Variants in KAZN observed in about 807,000 individuals in gnomAD.
The protein encoded by KAZN is kazrin, periplakin interacting protein.
KAZN carries 40 observed loss-of-function variants against 87.4 expected under a neutral mutation model. That is an observed-to-expected ratio of 0.46 (90% CI 0.36 to 0.60). The LOEUF is 0.60. KAZN is among the 20% of genes least tolerant of loss of function. The pLI is 0.00. For missense variants in KAZN, 898 were observed against 1,073.9 expected (o/e 0.84, Z 2.29); for synonymous variants, 466 against 458.3 (o/e 1.02, Z -0.22).
At chr1:13,943,318 A>G (rs1557736250) in intron 1 of KAZN, among the ~76,000 whole-genome samples, 1 of 152,194 alleles carries the variant, frequency 6.6e-6, no homozygotes, top group African/African-American at 2.4e-5. Flanking sequence ...AAAGAAGATA[A>G]TAGTGTCTGG....
rs1323571181 is a variant in KAZN at position 15,063,599 on chromosome 1, A to T, written c.1075A>T (p.Asn359Tyr). The change falls in exon 7 of 15, where the codon AAC becomes TAC. Residue 359 changes from asparagine to tyrosine, a missense_variant. Around this residue, in one of 3 missense-constraint regions of KAZN, gnomAD observed 521 missense variants for 689.4 expected, o/e 0.76. Coordinates refer to ENST00000376030, the MANE Select transcript of KAZN (RefSeq NM_201628.3). ...CGACAGTCCCGGCCCAGTTCAGAAG[A>T]ACCTGCACAACCCTATTGTACAGGT... Reference protein sequence around the residue: ...NGDSPGPVQKNLHNPIVQSLE... With the variant: ...NGDSPGPVQKYLHNPIVQSLE... 6.2e-7 allele frequency: 1 copy of T among 1,614,120 alleles called. No individual in the cohort carries two copies. Among genetic ancestry groups the T allele is most frequent in the South Asian group, 1.1e-5 (1 of 91,084 alleles).
At chr1:14,683,470 A>G (rs1640788528) in intron 1 of KAZN, among the ~76,000 whole-genome samples, 1 of 152,122 alleles carries the variant, frequency 6.6e-6, no homozygotes, top group African/African-American at 2.4e-5. Context: ...GGACCCTCCA[A>G]TGACCACTCT....
At chr1:14,419,556 C>A (rs1665186581) in intron 2 of KAZN, among the ~76,000 whole-genome samples, 1 of 152,214 alleles carries the variant, frequency 6.6e-6, no homozygotes, top group South Asian at 2.1e-4. Flanking sequence ...TTCTTGGTCT[C>A]ACTGACTTCA....
At chr1:14,653,136 C>T (rs909907473) in intron 1 of KAZN, among the ~76,000 whole-genome samples, 1 of 152,294 alleles carries the variant, frequency 6.6e-6, no homozygotes, top group South Asian at 2.1e-4. Context: ...GTCATTTCTC[C>T]TTTGGAGGGT....
At chr1:15,017,665 A>G (rs934699518) in intron 2 of KAZN, among the ~76,000 whole-genome samples, 1 of 152,154 alleles carries the variant, frequency 6.6e-6, no homozygotes, top group African/African-American at 2.4e-5. Context: ...GTAGCCGGGC[A>G]TGGTGGTGGG....
At position 15,081,263 on chromosome 1, in the gene KAZN, T is replaced by C. The variant is rs1327070640; in HGVS notation, c.1223-12917T>C. Among the ~76,000 whole-genome samples the C allele has an allele frequency of 6.6e-6, 1 of 152,158 alleles. No individual in the cohort carries two copies. Among genetic ancestry groups the C allele is most frequent in the Non-Finnish European group, 1.5e-5 (1 of 68,036 alleles). Reference sequence around the variant, plus strand: ...GGATGGCTCTCTTCCCAACTCCACGTCCAGTGACAGCCTGCCGGTCACTGA... The same window carrying C: ...GGATGGCTCTCTTCCCAACTCCACGCCCAGTGACAGCCTGCCGGTCACTGA... On this transcript the variant is annotated intron_variant, in intron 8 of 14. Coordinates refer to ENST00000376030, the MANE Select transcript of KAZN (RefSeq NM_201628.3). The surrounding 1 kb of genome is among the most constrained non-coding windows in gnomAD (Gnocchi z 4.1).
intron 2 of KAZN, among the ~76,000 whole-genome samples, chr1:14,252,630 A>G (rs115479297): frequency 8.3e-4 from 126 of 152,238 alleles, no homozygotes; most frequent in African/African-American, 2.9e-3. Flanking sequence ...TCCCTACTCC[A>G]TCCTATTCCA....
In KAZN at chr1:14,008,223, T is replaced by C. The variant is rs190921343; in HGVS notation, c.91+114467T>C. ...AAATGCATCTGGGGATAAAAATAAC[T>C]TCCCATGAATTCTCCCCTGGGTGAG... is the stretch of plus-strand genomic sequence containing the variant. On this transcript the variant is annotated intron_variant, in intron 1 of 16. Transcript: ENST00000636203. Among the ~76,000 whole-genome samples, 10 of 152,294 alleles carry C rather than the reference T, an allele frequency of 6.6e-5. 1 individual carries two copies. The East Asian group carries it at 1.9e-3, about 29-fold the overall frequency.
At chr1:14,025,004 G>T (rs1641006358) in intron 1 of KAZN, among the ~76,000 whole-genome samples, 2 of 152,148 alleles carry the variant, frequency 1.3e-5, no homozygotes, top group Admixed American at 1.3e-4. Context: ...GGAAAATTAG[G>T]TCAGATCAAA....
intron 1 of KAZN, among the ~76,000 whole-genome samples, chr1:14,064,689 G>A (rs1445176507): frequency 4.6e-5 from 7 of 152,222 alleles, no homozygotes; most frequent in Non-Finnish European, 1.0e-4. Flanking sequence ...GGGGGTGGGC[G>A]AGGAAACAGT....
rs533631523 is a variant in KAZN at position 14,110,908 on chromosome 1, T to C, written c.92-69527T>C. Among the ~76,000 whole-genome samples, 7 of 135,540 alleles carry C rather than the reference T, an allele frequency of 5.2e-5. 2 individuals are homozygous for C. In the East Asian group the frequency reaches 2.0e-3, roughly 39 times the overall value. 88.9% of individuals were successfully genotyped at this position (135,540 alleles called of 152,430 possible). The stretch of plus-strand genomic sequence containing the variant: ...TACAATTAATTTTAACTTTTGTTTG[T>C]GTGTGTTTTTTACTTTTTAATGAGA... On this transcript the variant is annotated intron_variant, in intron 1 of 16. Coordinates refer to the KAZN transcript ENST00000636203.
intron 1 of KAZN, among the ~76,000 whole-genome samples, chr1:14,674,586 C>T (rs1312631436): frequency 2.0e-5 from 3 of 152,322 alleles, no homozygotes; most frequent in Non-Finnish European, 4.4e-5. Flanking sequence ...TTAGGCACTT[C>T]TAAGCTTAAG....
rs561764888 is a variant in KAZN, at chr1:14,482,921, G to A, written c.250-116062G>A. ...TTACTAGCTGGGCAAGTATCCTTAG[G>A]TAAGTTACATAACCTCTTTATTTAT... On this transcript the variant is annotated intron_variant, in intron 2 of 16. Transcript: ENST00000636203. 1.2e-4 allele frequency among the ~76,000 whole-genome samples: 18 copies of A among 152,268 alleles called. No homozygotes were observed. In the East Asian group the frequency reaches 3.5e-3, roughly 29 times the overall value.
At chr1:14,429,411 C>T (rs1440626062) in intron 2 of KAZN, among the ~76,000 whole-genome samples, 4 of 152,170 alleles carry the variant, frequency 2.6e-5, no homozygotes, top group Non-Finnish European at 5.9e-5. Context: ...GGTTCGAAAT[C>T]CTGCTTGGCA....
chr1:15,068,553 C>T (rs1317803783), intron 8 of KAZN, among the ~76,000 whole-genome samples: 1 of 152,038 alleles, frequency 6.6e-6, no homozygotes, highest in Non-Finnish European at 1.5e-5. Flanking sequence ...CCGTGGACCT[C>T]TGCGCGTCCC....
At chr1:14,831,744 G>A (rs145375855) in intron 1 of KAZN, among the ~76,000 whole-genome samples, 156 of 152,258 alleles carry the variant, frequency 1.0e-3, no homozygotes, top group African/African-American at 3.6e-3. Flanking sequence ...ACAGGGAAAT[G>A]ACAAGCGACT....
At chr1:14,947,358 G>A (rs376763573) in intron 1 of KAZN, among the ~76,000 whole-genome samples, 52 of 152,312 alleles carry the variant, frequency 3.4e-4, no homozygotes, top group African/African-American at 8.2e-4. Flanking sequence ...AGTGCCACCC[G>A]GGGCTTGCTG....
At chr1:14,884,380 G>A (rs1653814692) in intron 1 of KAZN, among the ~76,000 whole-genome samples, 1 of 152,154 alleles carries the variant, frequency 6.6e-6, no homozygotes. Flanking sequence ...AACAGAGCGA[G>A]ACTCCATCTC....
At chr1:14,189,204 C>T (rs1477819770) in intron 2 of KAZN, among the ~76,000 whole-genome samples, 1 of 152,126 alleles carries the variant, frequency 6.6e-6, no homozygotes, top group African/African-American at 2.4e-5. Context: ...TTTAAGTACT[C>T]ACTTATTCCT....
Sources: gnomAD v4.1 joint callset for allele counts (sites outside exome capture counted in the v4.1 genomes callset) on GRCh38, gnomAD v4.1.1 for gene constraint, gnomAD v4.1.1 regional missense constraint, Gnocchi (gnomAD v3.1) non-coding constraint, MANE v1.5 for transcripts, NCBI Gene and HGNC (gene_info 2026-07-23, HGNC 2026-07-21) for gene names.